The following CATSPERG variants were observed in gnomAD, a reference collection of about 807,000 sequenced individuals.
The protein encoded by CATSPERG is catsper channel auxiliary subunit gamma.
In CATSPERG, 115 loss-of-function variants were observed where a neutral mutation model predicts 145.0. That is an observed-to-expected ratio of 0.79 (90% CI 0.68 to 0.93). The LOEUF (loss-of-function observed/expected upper bound fraction) is 0.93. Among genes scored for constraint, CATSPERG ranks in the 40% least tolerant of loss-of-function variants. CATSPERG has a pLI of 0.00. For missense variants in CATSPERG, 1,296 were observed against 1,490.1 expected (o/e 0.87, Z 2.14); for synonymous variants, 588 against 589.0 (o/e 1.00, Z 0.02).
intron 26 of CATSPERG, among the ~76,000 whole-genome samples, chr19:38,369,176 G>GA (rs956611773): frequency 6.6e-6 from 1 of 152,120 alleles, no homozygotes; most frequent in Admixed American, 6.5e-5. Context: ...TCAATGAAAG[G>GA]AAAAAAATGA....
intron 24 of CATSPERG, 27 bp downstream of exon 24, chr19:38,367,599 G>A (rs987455206): frequency 6.2e-7 from 1 of 1,613,644 alleles, no homozygotes; most frequent in African/African-American, 1.3e-5. Context: ...CTTGCAGCTA[G>A]GGCAGGTGGA....
intron 7 of CATSPERG, among the ~76,000 whole-genome samples, chr19:38,348,773 A>G (rs1383072755): frequency 6.6e-6 from 1 of 152,072 alleles, no homozygotes; most frequent in Non-Finnish European, 1.5e-5. Flanking sequence ...GCACCTGGTC[A>G]TAGAGAAGGT....
Position 38,354,866 on chromosome 19 carries a change from G to C in CATSPERG, c.1135+19G>C, listed in dbSNP as rs753439167. On this transcript the variant is annotated intron_variant, in intron 9 of 28. Coordinates refer to ENST00000409235, the MANE Select transcript of CATSPERG (RefSeq NM_021185.5). ...ATCAGAGGTAAGGGTGTGGGCCTCT[G>C]TCAGCCCCAGGGACCCCTCCATACC... 1.2e-6 allele frequency: 2 copies of C among 1,612,010 alleles called. No homozygotes were observed. The highest frequency in any genetic ancestry group is 3.3e-5 in the Admixed American group (2 of 59,702).
At chr19:38,361,598 T>C (rs1356468531) in intron 16 of CATSPERG, 50 bp from the exon 17 acceptor site, 1 of 1,470,810 alleles carries the variant, frequency 6.8e-7, no homozygotes, top group African/African-American at 1.4e-5. Context: ...AAGCTTCCAG[T>C]GCGCGGGGTG....
chr19:38,337,690 T>C (rs1380441532), intron 3 of CATSPERG, 44 bp downstream of exon 3: 69 of 1,448,636 alleles, frequency 4.8e-5, no homozygotes, highest in Non-Finnish European at 6.5e-5. Flanking sequence ...TGAGCCTTGG[T>C]TTTCCCACCT....
At chr19:38,352,521 G>A in intron 8 of CATSPERG, 89 bp downstream of exon 8, 1 of 1,341,454 alleles carries the variant, frequency 7.5e-7, no homozygotes, top group Non-Finnish European at 1.0e-6. Context: ...AATTGCTGTG[G>A]GTGAGGCATT....
intron 8 of CATSPERG, 78 bp from the exon 9 acceptor site, chr19:38,354,632 A>T: frequency 6.5e-7 from 1 of 1,541,128 alleles, no homozygotes; most frequent in Non-Finnish European, 8.8e-7. Context: ...GGCTCACTAA[A>T]GCCAGGGAAA....
chr19:38,362,178 A>T (rs749188969), intron 17 of CATSPERG, 32 bp from the exon 18 acceptor site: 2 of 1,562,272 alleles, frequency 1.3e-6, no homozygotes, highest in African/African-American at 2.7e-5. Context: ...CCCGCTGCCC[A>T]ATCCCTTCAC....
chr19:38,344,882 C>CACACATATAT (rs1379988844), intron 6 of CATSPERG, among the ~76,000 whole-genome samples: 2 of 53,324 alleles, frequency 3.8e-5, no homozygotes, highest in African/African-American at 5.2e-5. Flanking sequence ...CACACACACA[C>CACACATATAT]ATATATATAT....
In CATSPERG at chr19:38,352,425, C is replaced by T. The variant is rs565645654; in HGVS notation, c.990C>T (p.Arg330=). 1.5e-5 allele frequency: 24 copies of T among 1,551,802 alleles called. No homozygotes were observed. Among genetic ancestry groups the T allele is most frequent in the Admixed American group, 9.8e-5 (5 of 50,950 alleles). The change falls in exon 8 of 29, where the codon CGC becomes CGT. Residue 330 remains arginine, a synonymous_variant. Coordinates refer to ENST00000409235, the MANE Select transcript of CATSPERG (RefSeq NM_021185.5). ...GTYTTLYERN[R]GSGSWIRVLA... ...ATACCACACTCTATGAGAGAAACCG[C>T]GGCAGTGGTGAGTGTGCTGTGGCTG... is the stretch of plus-strand genomic sequence containing the variant.
At chr19:38,346,091 G>C (rs1335437655) in intron 6 of CATSPERG, among the ~76,000 whole-genome samples, 1 of 152,236 alleles carries the variant, frequency 6.6e-6, no homozygotes, top group East Asian at 1.9e-4. Context: ...CTGTGCAGAA[G>C]AAGAGTGCAA....
Position 38,362,182 on chromosome 19 carries a change from C to T in CATSPERG, c.2095-28C>T, listed in dbSNP as rs761645175. On this transcript the variant is annotated intron_variant, in intron 17 of 28. Coordinates refer to ENST00000409235, the MANE Select transcript of CATSPERG (RefSeq NM_021185.5). The stretch of plus-strand genomic sequence containing the variant: ...GAGGCTCTCGCCCCGCTGCCCAATC[C>T]CTTCACGGTGCCGGGCGATCCCTGC... 15 of 1,565,346 alleles carry T rather than the reference C, an allele frequency of 9.6e-6. No homozygotes were observed. The South Asian group carries it at 1.6e-4, about 17-fold the overall frequency.
chr19:38,357,492 G>T (rs902236483), intron 11 of CATSPERG, among the ~76,000 whole-genome samples: 4 of 147,740 alleles, frequency 2.7e-5, no homozygotes, highest in African/African-American at 9.9e-5. Context: ...CTACTACCTG[G>T]GTGACAGAGC....
intron 6 of CATSPERG, among the ~76,000 whole-genome samples, chr19:38,346,038 A>G (rs1463049752): frequency 6.6e-6 from 1 of 152,178 alleles, no homozygotes; most frequent in African/African-American, 2.4e-5. Flanking sequence ...AAAGGGCGGT[A>G]AGCGCTCTGG....
rs1283712410 is a variant in CATSPERG, at chr19:38,365,031, A to C, written c.2557-30A>C. 5 of 1,613,906 alleles carry C rather than the reference A, an allele frequency of 3.1e-6. No homozygotes were observed. The East Asian group carries it at 1.1e-4, about 36-fold the overall frequency. On this transcript the variant is annotated intron_variant, in intron 21 of 28. Transcript: ENST00000409235. Reference sequence around the variant, plus strand: ...GGTGGGAAAGCCTGGGCCGGCGGGGATCACCATCTTCACCTGCTCCTACCC... The same window carrying C: ...GGTGGGAAAGCCTGGGCCGGCGGGGCTCACCATCTTCACCTGCTCCTACCC...
intron 13 of CATSPERG, 64 bp downstream of exon 13, chr19:38,358,625 G>T: frequency 8.7e-6 from 14 of 1,601,498 alleles, no homozygotes; most frequent in Non-Finnish European, 1.1e-5. Flanking sequence ...TTTACGGTGG[G>T]GACCCTTTCA....
chr19:38,339,402 GC>G (rs1969899510), intron 3 of CATSPERG, among the ~76,000 whole-genome samples: 1 of 152,136 alleles, frequency 6.6e-6, no homozygotes, highest in South Asian at 2.1e-4. Context: ...TGTTCCAAAG[GC>G]CACAAGGGGT....
rs1248948070 is a variant in CATSPERG at position 38,352,349 on chromosome 19, G to A, written c.914G>A (p.Ser305Asn). 1 of 1,551,712 alleles carries A rather than the reference G, an allele frequency of 6.4e-7. No homozygotes were observed. Among genetic ancestry groups the A allele is most frequent in the Non-Finnish European group, 8.7e-7 (1 of 1,147,134 alleles). Residue 305 changes from serine (S) to asparagine (N), a missense_variant, in exon 8 of 29, where the codon AGC becomes AAC. Physicochemically the swap from Ser to Asn is conservative, Grantham distance 46. Transcript: ENST00000409235. Reference protein sequence around the residue: ...ATIYDTIATESTLFIRQNQLV... With the variant: ...ATIYDTIATENTLFIRQNQLV... Reference sequence around the variant, plus strand: ...ATCTATGACACTATTGCCACCGAGAGCACCCTCTTCATTCGGCAGAACCAG... The same window carrying A: ...ATCTATGACACTATTGCCACCGAGAACACCCTCTTCATTCGGCAGAACCAG...
Position 38,365,042 on chromosome 19 carries a change from C to T in CATSPERG, c.2557-19C>T, listed in dbSNP as rs1000493332. The T allele has an allele frequency of 3.1e-6, 5 of 1,614,132 alleles. No homozygotes were observed. Among genetic ancestry groups the T allele is most frequent in the Non-Finnish European group, 4.2e-6 (5 of 1,180,012 alleles). ...CTGGGCCGGCGGGGATCACCATCTTCACCTGCTCCTACCCACAGGTGGTGG... is the reference window on the plus strand; with the variant it reads ...CTGGGCCGGCGGGGATCACCATCTTTACCTGCTCCTACCCACAGGTGGTGG... On this transcript the variant is annotated intron_variant, in intron 21 of 28. Transcript: ENST00000409235.
Sources: allele counts gnomAD v4.1 joint callset (sites outside exome capture counted in the v4.1 genomes callset), GRCh38; gene constraint gnomAD v4.1.1; transcripts MANE v1.5; gene names NCBI Gene and HGNC (gene_info 2026-07-23, HGNC 2026-07-21).